Variants in MATN2 observed in about 807,000 individuals in gnomAD.
The protein encoded by MATN2 is matrilin-2.
In MATN2, 69 loss-of-function variants were observed where a neutral mutation model predicts 103.2. The ratio of observed to expected loss-of-function variants is 0.67; its 90% CI spans 0.55 to 0.82. The LOEUF (loss-of-function observed/expected upper bound fraction) is 0.82, where lower values mean the gene tolerates loss of function less well. Among genes scored for constraint, MATN2 ranks in the 40% least tolerant of loss-of-function variants. MATN2 has a pLI of 0.00. For synonymous variants in MATN2, 429 were observed against 450.2 expected (o/e 0.95, Z 0.60); for missense variants, 1,023 against 1,211.5 (o/e 0.84, Z 2.31).
intron 2 of MATN2, among the ~76,000 whole-genome samples, chr8:97,893,004 G>A (rs1027920149): frequency 6.6e-6 from 1 of 152,144 alleles, no homozygotes; most frequent in Non-Finnish European, 1.5e-5. Context: ...TGGAGATAAG[G>A]CAGCAATAAT....
chr8:97,991,185 A>G (rs1240330566), intron 6 of MATN2, among the ~76,000 whole-genome samples: 1 of 152,240 alleles, frequency 6.6e-6, no homozygotes, highest in African/African-American at 2.4e-5. Flanking sequence ...GTCAGGAGCC[A>G]CACGTGGCCA....
At chr8:97,939,559 A>G (rs1018142724) in intron 3 of MATN2, among the ~76,000 whole-genome samples, 17 of 152,172 alleles carry the variant, frequency 1.1e-4, no homozygotes, top group African/African-American at 3.9e-4. Context: ...CTGAGGCAGG[A>G]GGATCACTGG....
intron 2 of MATN2, among the ~76,000 whole-genome samples, chr8:97,926,899 A>G (rs957260284): frequency 3.3e-5 from 5 of 152,206 alleles, no homozygotes; most frequent in African/African-American, 1.2e-4. Context: ...CTGCATGCCT[A>G]CAAAGATAAA....
At chr8:97,950,610 T>TA (rs962325671) in intron 4 of MATN2, 5 of 152,126 alleles carry the variant, frequency 3.3e-5, no homozygotes, top group African/African-American at 1.2e-4. Flanking sequence ...GAGCAGAATA[T>TA]AAAAGATGGA....
At chr8:97,993,581 T>G (rs1262125632) in intron 6 of MATN2, among the ~76,000 whole-genome samples, 1 of 152,080 alleles carries the variant, frequency 6.6e-6, no homozygotes, top group Admixed American at 6.5e-5. Context: ...TAAAAAAATA[T>G]TTTGGTTTAA....
rs12674810 is a variant in MATN2 at position 97,982,250 on chromosome 8, G to A, written c.1081+3242G>A. ...CCAGTCGTAAGAATGAAACACTCAG[G>A]AGTGCTCCAGATCTGTGGCAGGGAC... On this transcript the variant is annotated intron_variant, in intron 6 of 18. Transcript: ENST00000254898. The surrounding 1 kb of genome is among the most constrained non-coding windows in gnomAD (Gnocchi z 4.3). 0.093 allele frequency among the ~76,000 whole-genome samples: 14,082 copies of A among 152,214 alleles called. 919 individuals carry two copies. Among genetic ancestry groups the A allele is most frequent in the Admixed American group, 0.19 (2,968 of 15,286 alleles).
chr8:97,909,247 A>G (rs1350462636), intron 2 of MATN2, among the ~76,000 whole-genome samples: 3 of 152,216 alleles, frequency 2.0e-5, no homozygotes, highest in Non-Finnish European at 4.4e-5. Flanking sequence ...TCAACTTTAA[A>G]TCAAGTATCA....
At chr8:97,957,950 TACTC>T (rs1176944846) in intron 4 of MATN2, among the ~76,000 whole-genome samples, 1 of 152,196 alleles carries the variant, frequency 6.6e-6, no homozygotes, top group African/African-American at 2.4e-5. Flanking sequence ...AGCTTGCAGT[TACTC>T]ACAGACTCTT....
chr8:98,008,691 G>C (rs1269112644), intron 10 of MATN2, among the ~76,000 whole-genome samples: 1 of 152,178 alleles, frequency 6.6e-6, no homozygotes, highest in African/African-American at 2.4e-5. Flanking sequence ...TCGGGCACAG[G>C]GGGTGCAGAA....
At chr8:97,942,763 C>T (rs1810611368) in intron 4 of MATN2, among the ~76,000 whole-genome samples, 1 of 152,144 alleles carries the variant, frequency 6.6e-6, no homozygotes, top group African/African-American at 2.4e-5. Context: ...TCATGGCAAG[C>T]AATTAAGCAT....
At position 98,027,772 on chromosome 8, in the gene MATN2, A is replaced by C; in HGVS notation, c.2299A>C (p.Thr767Pro). ...TRVPRAAIVF[T>P]DGRAQDDVSE... is the part of the protein sequence containing the mutation. ...GGTGCCCAGAGCAGCCATTGTGTTC[A>C]CCGACGGACGGGCTCAGGATGACGT... Residue 767 changes from threonine to proline, a missense_variant, in exon 14 of 19, where the codon ACC (threonine) becomes CCC (proline). Thr to Pro is a conservative substitution (Grantham distance 38). Coordinates refer to ENST00000254898, the MANE Select transcript of MATN2 (RefSeq NM_002380.5). 6.2e-7 allele frequency: 1 copy of C among 1,606,146 alleles called. No individual in the cohort carries two copies. The highest frequency in any genetic ancestry group is 8.5e-7 in the Non-Finnish European group (1 of 1,176,952).
chr8:97,893,838 C>G (rs567228436), intron 2 of MATN2, among the ~76,000 whole-genome samples: 5 of 152,246 alleles, frequency 3.3e-5, no homozygotes, highest in African/African-American at 9.6e-5. Context: ...CCGCCGCACC[C>G]GGCCCCCAGT....
At position 97,888,185 on chromosome 8, in the gene MATN2, G is replaced by T; in HGVS notation, c.85G>T (p.Gly29Trp). Residue 29 changes from glycine to tryptophan, a missense_variant, in exon 2 of 19, where the codon GGG (glycine) becomes TGG (tryptophan). Transcript: ENST00000254898. ...TGCCGAGGCCAGGGAGCGGTCACGT[G>T]GGAGGTCCATCTCTAGGGGCAGACA... ...LPAEARERSR[G>W]RSISRGRHAR... 1 of 1,605,812 alleles carries T rather than the reference G, an allele frequency of 6.2e-7. No homozygotes were observed. Among genetic ancestry groups the T allele is most frequent in the East Asian group, 2.3e-5 (1 of 44,390 alleles).
chr8:97,947,586 A>G (rs1810794820), intron 4 of MATN2, among the ~76,000 whole-genome samples: 1 of 152,246 alleles, frequency 6.6e-6, no homozygotes, highest in African/African-American at 2.4e-5. Flanking sequence ...TGAAAAATAT[A>G]AAAGATTTCT....
intron 2 of MATN2, among the ~76,000 whole-genome samples, chr8:97,929,233 G>T (rs746045747): frequency 6.6e-6 from 1 of 152,210 alleles, no homozygotes; most frequent in Non-Finnish European, 1.5e-5. Flanking sequence ...TGGCAAGCTG[G>T]CCTGGACAGG....
intron 5 of MATN2, among the ~76,000 whole-genome samples, chr8:97,967,915 G>C (rs1312167936): frequency 6.6e-6 from 1 of 152,216 alleles, no homozygotes; most frequent in African/African-American, 2.4e-5. Flanking sequence ...TCTCTATGAG[G>C]CTTCACCCCT....
In MATN2 at chr8:97,979,035, G is replaced by C. The variant is rs529618104; in HGVS notation, c.1081+27G>C. ...TAAGTTACACACACATGCACACACAGAGAAATATTTGCTGTTACTGCTGTG... is the reference window on the plus strand; with the variant it reads ...TAAGTTACACACACATGCACACACACAGAAATATTTGCTGTTACTGCTGTG... On this transcript the variant is annotated intron_variant, in intron 6 of 18. Coordinates refer to ENST00000254898, the MANE Select transcript of MATN2 (RefSeq NM_002380.5). The C allele has an allele frequency of 1.1e-4, 169 of 1,588,838 alleles. 1 individual carries two copies. In the South Asian group the frequency reaches 1.5e-3, roughly 14 times the overall value.
At chr8:97,890,183 T>C (rs971644457) in intron 2 of MATN2, among the ~76,000 whole-genome samples, 1 of 151,700 alleles carries the variant, frequency 6.6e-6, no homozygotes, top group Non-Finnish European at 1.5e-5. Context: ...AATGGTGGAG[T>C]GGGCCGGACA....
At chr8:97,989,484 C>T (rs34354078) in intron 6 of MATN2, among the ~76,000 whole-genome samples, 13,650 of 136,406 alleles carry the variant, frequency 0.1, 901 homozygotes, top group Admixed American at 0.2. Context: ...AAAAAAAAAA[C>T]GGAATGAAGG....
Sources: gnomAD v4.1 joint callset for allele counts (sites outside exome capture counted in the v4.1 genomes callset) on GRCh38, gnomAD v4.1.1 for gene constraint, Gnocchi (gnomAD v3.1) non-coding constraint, MANE v1.5 for transcripts, NCBI Gene and HGNC (gene_info 2026-07-23, HGNC 2026-07-21) for gene names.